TP63: variants seen among roughly 807,000 people sequenced by gnomAD.
The protein encoded by TP63 is tumor protein p63.
TP63 carries 17 observed loss-of-function variants against 82.8 expected under a neutral mutation model. The ratio of observed to expected loss-of-function variants is 0.21; its 90% CI spans 0.14 to 0.31. The LOEUF (loss-of-function observed/expected upper bound fraction) is 0.31. TP63 is among the 10% of genes least tolerant of loss of function. The pLI is 1.00. For missense variants in TP63, 648 were observed against 895.3 expected (o/e 0.72, Z 3.52); for synonymous variants, 330 against 321.7 (o/e 1.03, Z -0.28).
the TP63 span, among the ~76,000 whole-genome samples, chr3:189,623,617 A>G: frequency 6.6e-6 from 1 of 152,310 alleles, no homozygotes; most frequent in African/African-American, 2.4e-5. Flanking sequence ...TAGCACACTG[A>G]TGGGGACACA....
chr3:189,883,707 A>G (rs1391180327), intron 10 of TP63, among the ~76,000 whole-genome samples: 9 of 152,126 alleles, frequency 5.9e-5, no homozygotes, highest in African/African-American at 9.7e-5. Flanking sequence ...GACTCAAGAA[A>G]CTTGTACAAC....
chr3:189,707,939 G>A (rs143243688), intron 1 of TP63, among the ~76,000 whole-genome samples: 134 of 152,280 alleles, frequency 8.8e-4, no homozygotes, highest in African/African-American at 2.7e-3. Context: ...AGACATGCAA[G>A]TATCTATAAG....
At chr3:189,827,350 C>T in intron 4 of TP63, among the ~76,000 whole-genome samples, 1 of 152,206 alleles carries the variant, frequency 6.6e-6, no homozygotes, top group East Asian at 1.9e-4. Context: ...TTGTGATACC[C>T]ACCCCCCACC....
the TP63 span, among the ~76,000 whole-genome samples, chr3:189,598,039 A>G: frequency 2.6e-5 from 4 of 152,210 alleles, no homozygotes; most frequent in African/African-American, 7.2e-5. Flanking sequence ...ATAGAACTGT[A>G]AAATACTGAA....
chr3:189,625,577 A>G, the TP63 span, among the ~76,000 whole-genome samples: 1 of 152,202 alleles, frequency 6.6e-6, no homozygotes, highest in Non-Finnish European at 1.5e-5. Context: ...TTATGGATAT[A>G]ATTTTTTAAT....
rs2108638610 is a variant in TP63, at chr3:189,808,518, A to T, written c.571A>T (p.Thr191Ser). ...FQQSSTAKSATWTYSTELKKL... is the reference protein window; with the variant it reads ...FQQSSTAKSASWTYSTELKKL... ...GCAGTCGAGCACCGCCAAGTCGGCC[A>T]CCTGGACGGTAAGAGCAGCGGGCAC... The change falls in exon 4 of 14, where the codon ACC becomes TCC. Residue 191 changes from threonine to serine, a missense_variant. Around this residue, in one of 5 missense-constraint regions of TP63, gnomAD observed 64 missense variants for 144.2 expected, o/e 0.44. Coordinates refer to ENST00000264731, the MANE Select transcript of TP63 (RefSeq NM_003722.5). The T allele has an allele frequency of 1.2e-6, 2 of 1,613,924 alleles. No individual in the cohort carries two copies. The highest frequency in any genetic ancestry group is 1.7e-6 in the Non-Finnish European group (2 of 1,180,032).
chr3:189,832,281 GTTC>G (rs897893290), intron 4 of TP63, among the ~76,000 whole-genome samples: 12 of 152,062 alleles, frequency 7.9e-5, no homozygotes, highest in South Asian at 2.1e-4. Context: ...GGGGTATACT[GTTC>G]TTCTTATAAT....
At chr3:189,756,311 C>T (rs1722185311) in intron 3 of TP63, among the ~76,000 whole-genome samples, 2 of 152,106 alleles carry the variant, frequency 1.3e-5, no homozygotes, top group African/African-American at 2.4e-5. Flanking sequence ...GGATTTGTAG[C>T]TACCTATGTG....
At chr3:189,696,121 C>T (rs1440482869) in intron 1 of TP63, among the ~76,000 whole-genome samples, 4 of 152,042 alleles carry the variant, frequency 2.6e-5, no homozygotes, top group Non-Finnish European at 2.9e-5. Context: ...CTTGATAAAC[C>T]CATAATGTCA....
chr3:189,845,538 CT>C (rs1282713259), intron 4 of TP63, among the ~76,000 whole-genome samples: 1 of 151,984 alleles, frequency 6.6e-6, no homozygotes, highest in Non-Finnish European at 1.5e-5. Context: ...TTATTTTTCT[CT>C]CTTTTTTAAA....
chr3:189,717,721 G>A (rs1455827155), intron 1 of TP63, among the ~76,000 whole-genome samples: 1 of 152,158 alleles, frequency 6.6e-6, no homozygotes, highest in Admixed American at 6.5e-5. Context: ...TAGGCTTGAG[G>A]ATATCTCTTC....
At chr3:189,691,355 AAAAAAG>A (rs1166551652) in intron 1 of TP63, among the ~76,000 whole-genome samples, 26 of 144,014 alleles carry the variant, frequency 1.8e-4, no homozygotes, top group African/African-American at 6.5e-4. Context: ...AAAAAAAAAA[AAAAAAG>A]AAAAAGAAAA....
At chr3:189,836,277 A>G (rs1178369282) in intron 4 of TP63, among the ~76,000 whole-genome samples, 3 of 152,168 alleles carry the variant, frequency 2.0e-5, no homozygotes, top group African/African-American at 7.2e-5. Flanking sequence ...TTCAACTGGC[A>G]AACAATATGA....
chr3:189,733,038 C>T lies in TP63; in HGVS notation c.63-4702C>T, dbSNP rs181639836. On this transcript the variant is annotated intron_variant, in intron 1 of 13. Coordinates refer to ENST00000264731, the MANE Select transcript of TP63 (RefSeq NM_003722.5). ...GGAGATCCTGGTCTCCATGCTGTCA[C>T]GTGCAAGGAAGCTGAAGTTTGAGGA... 2.0e-3 allele frequency among the ~76,000 whole-genome samples: 309 copies of T among 152,218 alleles called. 2 individuals are homozygous for T. In the East Asian group the frequency reaches 0.022, roughly 11 times the overall value.
rs190105400 is a variant in TP63 at position 189,862,884 on chromosome 3, C to T, written c.580-1348C>T. On this transcript the variant is annotated intron_variant, in intron 4 of 13. Transcript: ENST00000264731. The stretch of plus-strand genomic sequence containing the variant: ...TTTGCTGCGTCTAATCCATGGCCTG[C>T]GGACATGGAGGACTGATTTTGCAAT... Among the ~76,000 whole-genome samples, 304 of 152,208 alleles carry T rather than the reference C, an allele frequency of 2.0e-3. 2 individuals are homozygous for T. The highest frequency in any genetic ancestry group is 5.8e-3 in the Admixed American group (88 of 15,276).
intron 1 of TP63, among the ~76,000 whole-genome samples, chr3:189,714,499 C>T (rs1718814646): frequency 1.3e-5 from 2 of 152,170 alleles, no homozygotes; most frequent in South Asian, 2.1e-4. Flanking sequence ...TATGTTCGTA[C>T]ACCAATTATG....
chr3:189,722,097 A>G (rs913802893), intron 1 of TP63, among the ~76,000 whole-genome samples: 3 of 152,192 alleles, frequency 2.0e-5, no homozygotes, highest in African/African-American at 7.2e-5. Context: ...AGGAAAGGAG[A>G]GACAAGAAAC....
At chr3:189,840,287 A>G (rs1207465931) in intron 4 of TP63, among the ~76,000 whole-genome samples, 3 of 135,670 alleles carry the variant, frequency 2.2e-5, no homozygotes, top group African/African-American at 5.6e-5. Context: ...AATTCAGTCT[A>G]TTGCTCCAAT....
chr3:189,681,640 C>T lies in TP63; in HGVS notation c.62+50063C>T, dbSNP rs58267455. ...TTAATAACTCTTCTTCTTGCCATTC[C>T]TTTGGCTTCCTTGACTTTGAACTCT... On this transcript the variant is annotated intron_variant, in intron 1 of 13. Transcript: ENST00000264731. Among the ~76,000 whole-genome samples, 2,937 of 152,248 alleles carry T rather than the reference C, an allele frequency of 0.019. 97 individuals carry two copies. Among genetic ancestry groups the T allele is most frequent in the African/African-American group, 0.067 (2,764 of 41,532 alleles).
Sources: allele counts gnomAD v4.1 joint callset (sites outside exome capture counted in the v4.1 genomes callset), GRCh38; gene constraint gnomAD v4.1.1; regional missense constraint gnomAD v4.1.1; transcripts MANE v1.5; gene names NCBI Gene and HGNC (gene_info 2026-07-23, HGNC 2026-07-21).